Variants in ABCA10 observed in about 807,000 individuals in gnomAD.
The protein encoded by ABCA10 is ATP-binding cassette sub-family A member 10.
Under a neutral mutation model 187.5 loss-of-function variants are expected in ABCA10, and 169 were observed. That is an observed-to-expected ratio of 0.90 (90% CI 0.80 to 1.02). ABCA10 has a LOEUF of 1.02. ABCA10 is among the 50% of genes least tolerant of loss of function. The pLI, the probability that ABCA10 is intolerant of heterozygous loss-of-function variation, is 0.00. For missense variants in ABCA10, 1,727 were observed against 1,812.4 expected, an observed-to-expected ratio of 0.95 and a Z score of 0.86; for synonymous variants, 574 against 601.8, an observed-to-expected ratio of 0.95 and a Z score of 0.68.
chr17:69,208,231 C>T (rs922311909), intron 9 of ABCA10, among the ~76,000 whole-genome samples: 1 of 151,672 alleles, frequency 6.6e-6, no homozygotes, highest in Non-Finnish European at 1.5e-5. Flanking sequence ...TCCTGGCTAA[C>T]ACGGTGAAAG....
At chr17:69,190,175 G>A (rs962720026) in intron 18 of ABCA10, among the ~76,000 whole-genome samples, 183 bp downstream of exon 18, 9 of 152,026 alleles carry the variant, frequency 5.9e-5, no homozygotes, top group African/African-American at 1.9e-4. Context: ...GATTATACTC[G>A]ATATAAAATG....
chr17:69,185,436 G>T, intron 20 of ABCA10, 41 bp downstream of exon 20: 2 of 1,563,058 alleles, frequency 1.3e-6, no homozygotes, highest in South Asian at 2.4e-5. Context: ...AAAGATCTTT[G>T]ATAATAAAAA....
chr17:69,210,832 CACATATTTATGCCACATATAT>C (rs1568069829), intron 9 of ABCA10, among the ~76,000 whole-genome samples: 5 of 126,610 alleles, frequency 3.9e-5, no homozygotes, highest in Non-Finnish European at 4.6e-5. Context: ...ATATATATGC[CACATATTTATGCCACATATAT>C]ATATATATAT....
chr17:69,238,179 T>A (rs62080863), intron 1 of ABCA10, among the ~76,000 whole-genome samples: 1 of 149,580 alleles, frequency 6.7e-6, no homozygotes, highest in Non-Finnish European at 1.5e-5. Context: ...AAAAAAAATT[T>A]CCAGCAACTA....
intron 25 of ABCA10, among the ~76,000 whole-genome samples, chr17:69,171,809 A>T (rs1037644893): frequency 2.0e-5 from 3 of 152,118 alleles, no homozygotes; most frequent in African/African-American, 7.2e-5. Context: ...CTGTCAACCT[A>T]GAAATGCATA....
In ABCA10 at chr17:69,216,214, C is replaced by T; in HGVS notation, c.672+3G>A. On this transcript the variant is annotated splice_donor_region_variant and intron_variant, in intron 7 of 38. Coordinates refer to ENST00000690296, the MANE Select transcript of ABCA10 (RefSeq NM_001377321.1). ...AAGAGGTAATATGCTTTTACCAACTCACCAAAGAAAGGCCATATAAGCTAT... is the reference window on the plus strand; with the variant it reads ...AAGAGGTAATATGCTTTTACCAACTTACCAAAGAAAGGCCATATAAGCTAT... 2 of 1,606,092 alleles carry T rather than the reference C, an allele frequency of 1.2e-6. No homozygotes were observed. The highest frequency in any genetic ancestry group is 2.2e-5 in the East Asian group (1 of 44,780).
chr17:69,192,139 A>G (rs1472627793), intron 16 of ABCA10, among the ~76,000 whole-genome samples: 3 of 152,192 alleles, frequency 2.0e-5, no homozygotes, highest in Non-Finnish European at 4.4e-5. Context: ...CCTGGCCAAC[A>G]TGGTGAAACC....
chr17:69,152,240 C>T (rs1481319562), intron 35 of ABCA10, 57 bp from the exon 36 acceptor site: 1 of 1,581,264 alleles, frequency 6.3e-7, no homozygotes, highest in Non-Finnish European at 8.6e-7. Flanking sequence ...CCTCGGTTCT[C>T]ACTGTAGAGG....
intron 22 of ABCA10, among the ~76,000 whole-genome samples, chr17:69,177,969 A>ATATATATATATATATATATATATGTT (rs1293769286): frequency 7.3e-5 from 4 of 54,964 alleles, no homozygotes; most frequent in Non-Finnish European, 1.8e-4. Context: ...AAAAAAAAAA[A>ATATATATATATATATATATATATGTT]AAAAATATAT....
At position 69,167,098 on chromosome 17, in the gene ABCA10, C is replaced by T. The variant is rs116154808; in HGVS notation, c.3163-2015G>A. On this transcript the variant is annotated intron_variant, in intron 25 of 38. Coordinates refer to ENST00000690296, the MANE Select transcript of ABCA10 (RefSeq NM_001377321.1). ...GGATTAGTTCCATGGATGCTTTGTC[C>T]CTAAAGTCAGCAAGTATCTTGCCAG... Among the ~76,000 whole-genome samples, 1,376 of 152,202 alleles carry T rather than the reference C, an allele frequency of 9.0e-3. 15 individuals carry two copies. The highest frequency in any genetic ancestry group is 0.03 in the African/African-American group (1,263 of 41,506).
At chr17:69,200,272 T>C (rs946610901) in intron 10 of ABCA10, among the ~76,000 whole-genome samples, 7 of 152,202 alleles carry the variant, frequency 4.6e-5, no homozygotes, top group South Asian at 2.1e-4. Context: ...TTGTGTATTA[T>C]TGTTATGCTC....
chr17:69,182,950 C>A (rs945786992), intron 20 of ABCA10, 142 bp from the exon 21 acceptor site: 17 of 946,096 alleles, frequency 1.8e-5, no homozygotes, highest in South Asian at 2.5e-5. Flanking sequence ...TTTAGGAGTA[C>A]AATACTATTC....
At chr17:69,232,041 T>G (rs960066540), upstream of ABCA10, among the ~76,000 whole-genome samples, 1 of 152,114 alleles carries the variant, frequency 6.6e-6, no homozygotes, top group Non-Finnish European at 1.5e-5. Flanking sequence ...TTTTATCAGA[T>G]ATAAGTATAG....
chr17:69,186,547 C>T (rs189220000), intron 19 of ABCA10, among the ~76,000 whole-genome samples: 7 of 152,268 alleles, frequency 4.6e-5, no homozygotes, highest in South Asian at 2.1e-4. Flanking sequence ...CTTTCTACTC[C>T]GCTCCACAGT....
chr17:69,239,703 T>C (rs531226666), intron 1 of ABCA10, among the ~76,000 whole-genome samples: 1 of 152,266 alleles, frequency 6.6e-6, no homozygotes, highest in East Asian at 1.9e-4. Flanking sequence ...CCACCCGGCC[T>C]CTATTAGTCA....
intron 29 of ABCA10, 83 bp from the exon 30 acceptor site, chr17:69,155,219 T>C (rs2074164724): frequency 9.2e-7 from 1 of 1,083,144 alleles, no homozygotes; most frequent in African/African-American, 1.6e-5. Flanking sequence ...TTCCCTAGTC[T>C]ATAAACCCAA....
chr17:69,148,941 T>TA lies in ABCA10; in HGVS notation c.4534-17dup, dbSNP rs768986047. 4 of 1,612,694 alleles carry TA rather than the reference T, an allele frequency of 2.5e-6. No homozygotes were observed. The highest frequency in any genetic ancestry group is 2.5e-6 in the Non-Finnish European group (3 of 1,179,070). ...CTAAGAATACCTAAGTAAGAGAAAA[T>TA]AAAAAAGATACAAAAATGTCAGGGT... On this transcript the variant is annotated splice_polypyrimidine_tract_variant and intron_variant, in intron 38 of 38. Transcript: ENST00000690296.
chr17:69,220,441 G>T (rs1383240055), intron 5 of ABCA10, among the ~76,000 whole-genome samples: 1 of 152,192 alleles, frequency 6.6e-6, no homozygotes, highest in Non-Finnish European at 1.5e-5. Flanking sequence ...CCTTGTGCAG[G>T]TGGCAGAACT....
chr17:69,216,565 T>C (rs2074707156), intron 6 of ABCA10, among the ~76,000 whole-genome samples: 2 of 152,200 alleles, frequency 1.3e-5, no homozygotes, highest in Non-Finnish European at 2.9e-5. Flanking sequence ...TAGCTATTCA[T>C]ATGGTTGTTC....
Sources: allele counts gnomAD v4.1 joint callset (sites outside exome capture counted in the v4.1 genomes callset), GRCh38; gene constraint gnomAD v4.1.1; transcripts MANE v1.5; gene names NCBI Gene and HGNC (gene_info 2026-07-23, HGNC 2026-07-21).